Variants in PLXNB2 observed in about 807,000 individuals in gnomAD.
The protein encoded by PLXNB2 is plexin B2, also known as plexin-B2.
In PLXNB2, 85 loss-of-function variants were observed where a neutral mutation model predicts 202.6. That is an observed-to-expected ratio of 0.42 (90% CI 0.35 to 0.50). The LOEUF (loss-of-function observed/expected upper bound fraction) is 0.50, where lower values mean the gene tolerates loss of function less well. Among genes scored for constraint, PLXNB2 ranks in the 20% least tolerant of loss-of-function variants. PLXNB2 has a pLI of 0.02. For synonymous variants in PLXNB2, 1,239 were observed against 1,137.6 expected (o/e 1.09, Z -1.79); for missense variants, 2,063 against 2,586.2 (o/e 0.80, Z 4.39).
chr22:50,281,880 G>A lies in PLXNB2; in HGVS notation c.3319C>T (p.Gln1107Ter). 6.2e-7 allele frequency: 1 copy of A among 1,612,848 alleles called. No individual in the cohort carries two copies. The highest frequency in any genetic ancestry group is 8.5e-7 in the Non-Finnish European group (1 of 1,179,940). Reference sequence around the variant, plus strand: ...CGGGCGTGGATGAGCTTGTTGACCTGCTTCTTGACGCCACCTGTGAAGTTC... The same window carrying A: ...CGGGCGTGGATGAGCTTGTTGACCTACTTCTTGACGCCACCTGTGAAGTTC... Reference protein sequence around the residue: ...FENFTGGVKKQVNKLIHARGT... With the variant: ...FENFTGGVKK Residue 1107 changes from glutamine (Q) to a stop codon, truncating the protein, a stop_gained, in exon 20 of 37, where the codon CAG (glutamine) becomes TAG (stop). Coordinates refer to ENST00000359337, the MANE Select transcript of PLXNB2 (RefSeq NM_012401.4). LOFTEE classifies it high-confidence loss of function.
rs761031071 is a variant in PLXNB2 at position 50,282,701 on chromosome 22, C to A, written c.2987+10G>T. The A allele has an allele frequency of 1.3e-6, 2 of 1,520,016 alleles. No individual in the cohort carries two copies. Among genetic ancestry groups the A allele is most frequent in the Admixed American group, 2.2e-5 (1 of 46,336 alleles). 94.2% of individuals were successfully genotyped at this position (1,520,016 alleles called of 1,614,324 possible). On this transcript the variant is annotated intron_variant, in intron 18 of 36. Transcript: ENST00000359337. ...GGGAGCAGAGGGGGGCGGGGGGACACCAGCCTCACCTGGCAAAGCTTCGTA... is the reference window on the plus strand; with the variant it reads ...GGGAGCAGAGGGGGGCGGGGGGACAACAGCCTCACCTGGCAAAGCTTCGTA...
Position 50,284,533 on chromosome 22 carries a change from T to A in PLXNB2, c.2181+40A>T. On this transcript the variant is annotated intron_variant, in intron 12 of 36. Transcript: ENST00000359337. The surrounding 1 kb of genome is among the most constrained non-coding windows in gnomAD (Gnocchi z 8.0). ...TGACCCCCCACCCCACCCGGGGCCC[T>A]GGGGTCCAGCAGCCGAGCCGGCCTG... The A allele has an allele frequency of 5.3e-5, 72 of 1,364,812 alleles. No homozygotes were observed. The highest frequency in any genetic ancestry group is 1.0e-4 in the East Asian group (3 of 28,716). The allele number at this position is 1,364,812 out of a possible 1,614,324, so 84.5% of individuals were successfully genotyped here.
Position 50,277,684 on chromosome 22 carries a change from G to A in PLXNB2, c.5103C>T (p.Asp1701=), listed in dbSNP as rs375503886. Residue 1701 remains aspartate, a synonymous_variant, in exon 33 of 37, where the codon GAC becomes GAT. Coordinates refer to ENST00000359337, the MANE Select transcript of PLXNB2 (RefSeq NM_012401.4). ...NILKNPHFIF[D]VHVHEVVDAS... ...CGTCCACCACCTCGTGGACATGCAC[G>A]TCAAAGATGAAGTGGGGGTTCTTGA... is the stretch of plus-strand genomic sequence containing the variant. The A allele has an allele frequency of 3.2e-5, 51 of 1,608,330 alleles. No homozygotes were observed. Among genetic ancestry groups the A allele is most frequent in the African/African-American group, 5.3e-5 (4 of 74,950 alleles).
Position 50,280,608 on chromosome 22 carries a change from G to A in PLXNB2, c.4056C>T (p.Ser1352=). Residue 1352 remains serine, a synonymous_variant, in exon 25 of 37, where the codon TCC becomes TCT. Transcript: ENST00000359337. ...FSARAKVYFA[S]LLTVALHGKL... Reference sequence around the variant, plus strand: ...TCCCGTGCAGCGCCACCGTCAGCAGGGACGCGAAGTAGACCTTGGCGCGGG... The same window carrying A: ...TCCCGTGCAGCGCCACCGTCAGCAGAGACGCGAAGTAGACCTTGGCGCGGG... 1.2e-6 allele frequency: 2 copies of A among 1,612,718 alleles called. No homozygotes were observed. The highest frequency in any genetic ancestry group is 1.7e-6 in the Non-Finnish European group (2 of 1,179,890).
chr22:50,277,538 C>T lies in PLXNB2; in HGVS notation c.5196+53G>A, dbSNP rs1001491280. ...CAAGGTCCCAACTCACAAGATGCCT[C>T]CTGGGGACAGACCCAGGCCTCCCTG... On this transcript the variant is annotated intron_variant, in intron 33 of 36. Transcript: ENST00000359337. 3 of 1,497,134 alleles carry T rather than the reference C, an allele frequency of 2.0e-6. No individual in the cohort carries two copies. In the African/African-American group the frequency reaches 4.2e-5, roughly 21 times the overall value. 92.7% of individuals were successfully genotyped at this position (1,497,134 alleles called of 1,614,324 possible). A position where few individuals can be genotyped will look rare whatever the true frequency, so the allele number is the denominator to read the frequency against.
At position 50,287,674 on chromosome 22, in the gene PLXNB2, TGG is replaced by T; in HGVS notation, c.1599_1600del (p.Gln534GlyfsTer65). The T allele has an allele frequency of 1.3e-6, 2 of 1,542,264 alleles. No homozygotes were observed. On this transcript the variant is annotated frameshift_variant, in exon 7 of 37. Coordinates refer to ENST00000359337, the MANE Select transcript of PLXNB2 (RefSeq NM_012401.4). LOFTEE classifies it high-confidence loss of function. Reference sequence around the variant, plus strand: ...CCCAGACCCACCACGCACCTCCCCCTGGGCCCGCCGGCTCATGTTCTGTGGCT... The same window carrying T: ...CCCAGACCCACCACGCACCTCCCCCTGCCCGCCGGCTCATGTTCTGTGGCT...
intron 26 of PLXNB2, 81 bp downstream of exon 26, chr22:50,279,924 G>A (rs928308333): frequency 1.8e-5 from 25 of 1,404,940 alleles, no homozygotes; most frequent in African/African-American, 4.3e-5. Context: ...TCAAGGTGCC[G>A]TACAGATAGG....
At chr22:50,302,546 T>C (rs2067746427) in intron 1 of PLXNB2, among the ~76,000 whole-genome samples, 1 of 152,108 alleles carries the variant, frequency 6.6e-6, no homozygotes, top group Admixed American at 6.5e-5. Flanking sequence ...CGAGCTTTGC[T>C]GGGCCTGGGC....
intron 33 of PLXNB2, 98 bp downstream of exon 33, chr22:50,277,493 A>C: frequency 8.0e-7 from 1 of 1,248,548 alleles, no homozygotes; most frequent in Non-Finnish European, 1.1e-6. Flanking sequence ...AGCCCAAGAT[A>C]TTCAAATCCA....
At position 50,276,646 on chromosome 22, in the gene PLXNB2, GGT is replaced by G; in HGVS notation, c.5318_5319del (p.His1773ProfsTer30). 1.2e-6 allele frequency: 2 copies of G among 1,613,690 alleles called. No individual in the cohort carries two copies. The highest frequency in any genetic ancestry group is 1.7e-6 in the Non-Finnish European group (2 of 1,179,728). The part of the protein sequence containing the change: ...VQVSDQDMNT[H>X]LAEISRAHTD... ...CTCCTTACCCGGGAAATCTCTGCCAGGTGTGTGTTCATGTCCTGGTCGCTGAC... is the reference window on the plus strand; with the variant it reads ...CTCCTTACCCGGGAAATCTCTGCCAGGTGTGTTCATGTCCTGGTCGCTGAC... On this transcript the variant is annotated frameshift_variant, in exon 35 of 37. Coordinates refer to ENST00000359337, the MANE Select transcript of PLXNB2 (RefSeq NM_012401.4). LOFTEE classifies it high-confidence loss of function.
chr22:50,302,726 A>G (rs1000956462), intron 1 of PLXNB2, among the ~76,000 whole-genome samples: 1 of 152,064 alleles, frequency 6.6e-6, no homozygotes. Context: ...GGGGGGGGCC[A>G]TGCTGGAGCA....
intron 2 of PLXNB2, among the ~76,000 whole-genome samples, chr22:50,292,181 C>G (rs904245011): frequency 6.6e-6 from 1 of 151,830 alleles, no homozygotes; most frequent in South Asian, 2.1e-4. Flanking sequence ...ACTAAAAACA[C>G]AAAAAAATTA....
Position 50,291,177 on chromosome 22 carries a change from G to A in PLXNB2, c.-13-580C>T, listed in dbSNP as rs765438765. On this transcript the variant is annotated intron_variant, in intron 2 of 36. Transcript: ENST00000359337. The surrounding 1 kb of genome is among the most constrained non-coding windows in gnomAD (Gnocchi z 4.3). Reference sequence around the variant, plus strand: ...CAACTGCCCGCCAGAGCCCCCAGGCGGCCTGAGCCTCCCTGACCACCTCCA... The same window carrying A: ...CAACTGCCCGCCAGAGCCCCCAGGCAGCCTGAGCCTCCCTGACCACCTCCA... Among the ~76,000 whole-genome samples the A allele has an allele frequency of 5.4e-4, 82 of 152,164 alleles. 2 individuals carry two copies. Among genetic ancestry groups the A allele is most frequent in the Admixed American group, 2.6e-4 (4 of 15,280 alleles).
intron 8 of PLXNB2, among the ~76,000 whole-genome samples, chr22:50,286,896 T>TG (rs2066496170): frequency 6.6e-6 from 1 of 152,074 alleles, no homozygotes; most frequent in South Asian, 2.1e-4. Flanking sequence ...GCTACAGGCC[T>TG]GGGGGGCGTG....
In PLXNB2 at chr22:50,284,332, G is replaced by T; in HGVS notation, c.2182-119C>A. On this transcript the variant is annotated intron_variant, in intron 12 of 36. Coordinates refer to ENST00000359337, the MANE Select transcript of PLXNB2 (RefSeq NM_012401.4). This position sits in a 1 kb window ranked among gnomAD's most constrained non-coding sequence, Gnocchi z 8.0. ...CCCTTCCCAGCCAAGGGCAGCAGGG[G>T]AGGCCTTCAGGTGTCGGAAGTTCGG... 1 of 983,346 alleles carries T rather than the reference G, an allele frequency of 1.0e-6. No individual in the cohort carries two copies. The highest frequency in any genetic ancestry group is 2.4e-5 in the East Asian group (1 of 41,778). The allele number at this position is 983,346 out of a possible 1,614,324, so 60.9% of individuals were successfully genotyped here. A position where few individuals can be genotyped will look rare whatever the true frequency, so the allele number is the denominator to read the frequency against.
chr22:50,287,749 T>C lies in PLXNB2; in HGVS notation c.1526A>G (p.His509Arg), dbSNP rs2066566803. ...GGACTTGCTTCGGCTCCACAGCCAGTGGCTGGCCTCCTCGGCCCGCGGACA... is the reference window on the plus strand; with the variant it reads ...GGACTTGCTTCGGCTCCACAGCCAGCGGCTGGCCTCCTCGGCCCGCGGACA... Reference protein sequence around the residue: ...AECPRAEEASHWLWSRSKSCV... With the variant: ...AECPRAEEASRWLWSRSKSCV... The change falls in exon 7 of 37, where the codon CAC (histidine) becomes CGC (arginine). Residue 509 changes from histidine (H) to arginine (R), a missense_variant. Transcript: ENST00000359337. 1 of 1,583,562 alleles carries C rather than the reference T, an allele frequency of 6.3e-7. No homozygotes were observed. Among genetic ancestry groups the C allele is most frequent in the Non-Finnish European group, 8.5e-7 (1 of 1,170,980 alleles).
At chr22:50,301,304 G>A (rs1031766307) in intron 1 of PLXNB2, 42 of 708,430 alleles carry the variant, frequency 5.9e-5, no homozygotes, top group Admixed American at 1.3e-4. Context: ...TTGCTACACC[G>A]TGGTCCTTCG....
At position 50,307,595 on chromosome 22, in the gene PLXNB2, T is replaced by TCGGCGCTGCGCTCTGGC. The variant is rs1304761492; in HGVS notation, c.-133_-117dup. The TCGGCGCTGCGCTCTGGC allele has an allele frequency of 1.0e-5, 10 of 981,316 alleles. No individual in the cohort carries two copies. The highest frequency in any genetic ancestry group is 1.8e-5 in the African/African-American group (1 of 56,182). 60.8% of individuals were successfully genotyped at this position (981,316 alleles called of 1,614,324 possible). A position where few individuals can be genotyped will look rare whatever the true frequency, so the allele number is the denominator to read the frequency against. ...AGGCTCGATGGCGCCCGGGCCGCGCTCGGCGCTGCGCTCTGGCCCGCGCTG... is the reference window on the plus strand; with the variant it reads ...AGGCTCGATGGCGCCCGGGCCGCGCTCGGCGCTGCGCTCTGGCCGGCGCTGCGCTCTGGCCCGCGCTG... On this transcript the variant is annotated 5_prime_UTR_variant, in exon 1 of 37. An upstream open reading frame in the 5' UTR loses its in-frame stop. Coordinates refer to ENST00000359337, the MANE Select transcript of PLXNB2 (RefSeq NM_012401.4).
chr22:50,288,106 C>G lies in PLXNB2; in HGVS notation c.1381-69G>C. The G allele has an allele frequency of 8.4e-7, 1 of 1,192,466 alleles. No individual in the cohort carries two copies. Among genetic ancestry groups the G allele is most frequent in the African/African-American group, 1.5e-5 (1 of 65,546 alleles). The allele number at this position is 1,192,466 out of a possible 1,614,324, so 73.9% of individuals were successfully genotyped here. ...CGGGCCTTCCGCAGACCCCAGATGT[C>G]CCCAGACCGCCAGCTTGACCCAGCT... On this transcript the variant is annotated intron_variant, in intron 5 of 36. Transcript: ENST00000359337. The surrounding 1 kb of genome is among the most constrained non-coding windows in gnomAD (Gnocchi z 5.0).
Sources: allele counts gnomAD v4.1 joint callset (sites outside exome capture counted in the v4.1 genomes callset), GRCh38; gene constraint gnomAD v4.1.1; non-coding constraint Gnocchi (gnomAD v3.1); transcripts MANE v1.5; gene names NCBI Gene and HGNC (gene_info 2026-07-23, HGNC 2026-07-21).